The following MRE11 variants were observed in gnomAD, a reference collection of about 807,000 sequenced individuals.
MRE11 encodes the protein MRE11 double strand break repair nuclease.
Under a neutral mutation model 91.7 loss-of-function variants are expected in MRE11, and 62 were observed. The observed-to-expected ratio is 0.68, with a 90% CI of 0.55 to 0.84. MRE11 has a LOEUF of 0.84. Among genes scored for constraint, MRE11 ranks in the 40% least tolerant of loss-of-function variants. The probability of loss-of-function intolerance (pLI) is 0.00; values close to 1 mark genes in which losing one functional copy is unlikely to be tolerated. For missense variants in MRE11, 796 were observed against 852.9 expected (o/e 0.93, Z 0.83); for synonymous variants, 273 against 271.4 (o/e 1.01, Z -0.06).
chr11:94,503,806 G>A, the MRE11 span, among the ~76,000 whole-genome samples: 2 of 118,138 alleles, frequency 1.7e-5, no homozygotes, highest in African/African-American at 6.5e-5. Context: ...CAGCCTGGGC[G>A]ACAGAGCGAG....
intron 13 of MRE11, among the ~76,000 whole-genome samples, chr11:94,457,885 T>A (rs372775253): frequency 2.6e-5 from 2 of 77,438 alleles, no homozygotes; most frequent in South Asian, 5.8e-4. Flanking sequence ...TCTCTCTCTC[T>A]CTCACACACA....
At chr11:94,493,311 C>T (rs1012013254) in intron 1 of MRE11, among the ~76,000 whole-genome samples, 1 of 152,128 alleles carries the variant, frequency 6.6e-6, no homozygotes, top group Admixed American at 6.5e-5. Flanking sequence ...TATTCAAACC[C>T]CACGATTTTT....
chr11:94,509,447 C>CA, the MRE11 span, among the ~76,000 whole-genome samples: 45 of 151,742 alleles, frequency 3.0e-4, 1 homozygote, highest in Middle Eastern at 6.8e-3. Flanking sequence ...TTTGAATTTT[C>CA]TTTTTTTTCT....
At chr11:94,465,229 T>C (rs1280159530) in intron 10 of MRE11, among the ~76,000 whole-genome samples, 1 of 152,208 alleles carries the variant, frequency 6.6e-6, no homozygotes, top group Non-Finnish European at 1.5e-5. Context: ...CGTAATTTAC[T>C]GTGCTTAGGA....
At chr11:94,475,705 A>C (rs1479317049) in intron 7 of MRE11, 3 of 447,784 alleles carry the variant, frequency 6.7e-6, no homozygotes, top group African/African-American at 2.0e-5. Context: ...ACACTTGCAT[A>C]TATGTAGCAG....
intron 15 of MRE11, 69 bp downstream of exon 15, chr11:94,447,150 A>C: frequency 3.5e-6 from 5 of 1,420,434 alleles, no homozygotes; most frequent in Non-Finnish European, 4.9e-6. Context: ...AACTCTGACA[A>C]GATCTAATTC....
Position 94,442,554 on chromosome 11 carries a change from T to A in MRE11, c.1867+3256A>T, listed in dbSNP as rs114662812. 2.5e-3 allele frequency among the ~76,000 whole-genome samples: 375 copies of A among 152,266 alleles called. 1 individual carries two copies. Among genetic ancestry groups the A allele is most frequent in the African/African-American group, 8.7e-3 (363 of 41,554 alleles). ...CTAAGGTAAAGGTGGGTAATCTACA[T>A]CTATGACTCTGTCGATTGCATGCTA... On this transcript the variant is annotated intron_variant, in intron 16 of 19. Coordinates refer to ENST00000323929, the MANE Select transcript of MRE11 (RefSeq NM_005591.4).
At chr11:94,428,777 C>T (rs1945389228) in intron 19 of MRE11, among the ~76,000 whole-genome samples, 3 of 151,912 alleles carry the variant, frequency 2.0e-5, no homozygotes, top group Non-Finnish European at 4.4e-5. Context: ...GCAGGAGAAT[C>T]GCTTGAACCC....
Position 94,447,351 on chromosome 11 carries a change from C to G in MRE11, c.1651G>C (p.Ala551Pro). The change falls in exon 15 of 20, where the codon GCA becomes CCA. Residue 551 changes from alanine (A) to proline (P), a missense_variant. By Grantham distance (27) the Ala-to-Pro change is conservative. Coordinates refer to ENST00000323929, the MANE Select transcript of MRE11 (RefSeq NM_005591.4). ...TCAGAGTCATTAGCCATCTGTTCTGCTAAATCTATACTCATAAGGTCATCA... is the reference window on the plus strand; with the variant it reads ...TCAGAGTCATTAGCCATCTGTTCTGGTAAATCTATACTCATAAGGTCATCA... ...SADDLMSIDL[A>P]EQMANDSDDS... The G allele has an allele frequency of 6.2e-7, 1 of 1,614,092 alleles. No homozygotes were observed. The highest frequency in any genetic ancestry group is 1.1e-5 in the South Asian group (1 of 91,084).
intron 4 of MRE11, 148 bp from the exon 5 acceptor site, chr11:94,479,909 ATCATAGGCGACAAT>A: frequency 1.5e-6 from 1 of 654,012 alleles, no homozygotes; most frequent in Non-Finnish European, 2.7e-6. Flanking sequence ...AAAAAATAAA[ATCATAGGCGACAAT>A]TCATTTCAAT....
At chr11:94,492,743 A>T in intron 2 of MRE11, 39 bp downstream of exon 2, 1 of 1,613,120 alleles carries the variant, frequency 6.2e-7, no homozygotes, top group Non-Finnish European at 8.5e-7. Context: ...AGCTTTAGAA[A>T]CCCCAAATAA....
At chr11:94,438,694 A>G (rs1015610877) in intron 16 of MRE11, among the ~76,000 whole-genome samples, 1 of 152,258 alleles carries the variant, frequency 6.6e-6, no homozygotes, top group Non-Finnish European at 1.5e-5. Context: ...ATGTTCTGTT[A>G]GGAAGACAAT....
intron 10 of MRE11, among the ~76,000 whole-genome samples, chr11:94,467,101 T>A (rs1192412110): frequency 6.6e-6 from 1 of 152,232 alleles, no homozygotes; most frequent in African/African-American, 2.4e-5. Flanking sequence ...GCCTTGGTTA[T>A]AGTGAACTGA....
At chr11:94,502,435 A>G in the MRE11 span, among the ~76,000 whole-genome samples, 1 of 152,202 alleles carries the variant, frequency 6.6e-6, no homozygotes, top group African/African-American at 2.4e-5. Context: ...TTTGTCTATC[A>G]TAATAACCAA....
chr11:94,465,386 T>G lies in MRE11; in HGVS notation c.1099-1147A>C, dbSNP rs1267648217. 2.0e-5 allele frequency among the ~76,000 whole-genome samples: 3 copies of G among 146,994 alleles called. No individual in the cohort carries two copies. In the South Asian group the frequency reaches 6.4e-4, roughly 31 times the overall value. ...ATTTTTGTATTACCCAGACCATCTC[T>G]CTCTCTCTCTTTTTTTTTTTTTTTT... On this transcript the variant is annotated intron_variant, in intron 10 of 19. Coordinates refer to ENST00000323929, the MANE Select transcript of MRE11 (RefSeq NM_005591.4).
At chr11:94,467,985 C>A (rs1946612066) in intron 9 of MRE11, 92 bp from the exon 10 acceptor site, 2 of 935,422 alleles carry the variant, frequency 2.1e-6, no homozygotes, top group Admixed American at 3.7e-5. Flanking sequence ...TTTTCCTGAA[C>A]TACATAATCA....
At position 94,479,618 on chromosome 11, in the gene MRE11, C is replaced by T. The variant is rs1267965120; in HGVS notation, c.402+56G>A. ...AAAGGGAAGGCATGCTTTCCACAGA[C>T]AAACTAAACTGATCATTTCCAAAAT... is the stretch of plus-strand genomic sequence containing the variant. On this transcript the variant is annotated intron_variant, in intron 5 of 19. Coordinates refer to ENST00000323929, the MANE Select transcript of MRE11 (RefSeq NM_005591.4). 11 of 1,483,968 alleles carry T rather than the reference C, an allele frequency of 7.4e-6. No individual in the cohort carries two copies. The Middle Eastern group carries it at 5.1e-4, about 69-fold the overall frequency. 91.9% of individuals were successfully genotyped at this position (1,483,968 alleles called of 1,614,324 possible). A position where few individuals can be genotyped will look rare whatever the true frequency, so the allele number is the denominator to read the frequency against.
chr11:94,507,750 T>C, the MRE11 span, among the ~76,000 whole-genome samples: 1 of 152,202 alleles, frequency 6.6e-6, no homozygotes. Flanking sequence ...TGTGAAGCAA[T>C]GTTTTTATGT....
intron 3 of MRE11, among the ~76,000 whole-genome samples, chr11:94,487,324 C>T (rs780734586): frequency 2.0e-5 from 3 of 152,174 alleles, no homozygotes; most frequent in South Asian, 4.1e-4. Flanking sequence ...CTGGCAGTGA[C>T]TCCAGGAAAT....
Sources: allele counts gnomAD v4.1 joint callset (sites outside exome capture counted in the v4.1 genomes callset), GRCh38; gene constraint gnomAD v4.1.1; transcripts MANE v1.5; gene names NCBI Gene and HGNC (gene_info 2026-07-23, HGNC 2026-07-21).